Variants in XIRP2 observed in about 807,000 individuals in gnomAD.
The protein encoded by XIRP2 is xin actin binding repeat containing 2.
A neutral mutation model predicts 277.0 loss-of-function variants in XIRP2; 236 were observed. The ratio of observed to expected loss-of-function variants is 0.85; its 90% CI spans 0.77 to 0.95. The LOEUF (loss-of-function observed/expected upper bound fraction) is 0.95. Among genes scored for constraint, XIRP2 ranks in the 40% least tolerant of loss-of-function variants. XIRP2 has a pLI of 0.00. For missense variants in XIRP2, 4,640 were observed against 4,157.5 expected (o/e 1.12, Z -3.19); for synonymous variants, 1,490 against 1,416.5 (o/e 1.05, Z -1.17).
At chr2:166,974,776 T>G (rs1437844835) in intron 2 of XIRP2, among the ~76,000 whole-genome samples, 3 of 152,080 alleles carry the variant, frequency 2.0e-5, no homozygotes, top group African/African-American at 7.2e-5. Context: ...TAAAATATAC[T>G]TAAATCCAAG....
At chr2:167,034,203 G>T (rs1286355017) in intron 2 of XIRP2, among the ~76,000 whole-genome samples, 1 of 151,972 alleles carries the variant, frequency 6.6e-6, no homozygotes, top group Non-Finnish European at 1.5e-5. Flanking sequence ...GCTTGTTTTT[G>T]CAATCAGTGT....
At chr2:167,222,425 G>A (rs896030396) in intron 5 of XIRP2, among the ~76,000 whole-genome samples, 5 of 152,170 alleles carry the variant, frequency 3.3e-5, no homozygotes, top group African/African-American at 1.2e-4. Context: ...TGCCTTTGCA[G>A]TTAATACTAG....
At chr2:167,007,812 TA>T (rs1030709424) in intron 2 of XIRP2, among the ~76,000 whole-genome samples, 20 of 151,456 alleles carry the variant, frequency 1.3e-4, no homozygotes, top group African/African-American at 4.6e-4. Context: ...AAAATTATTA[TA>T]CAAAAAAGAC....
chr2:167,039,860 A>C (rs562282223), intron 2 of XIRP2, among the ~76,000 whole-genome samples: 1 of 152,226 alleles, frequency 6.6e-6, no homozygotes, highest in Non-Finnish European at 1.5e-5. Flanking sequence ...TATAACTTTT[A>C]ACCAAATAAT....
chr2:167,168,653 C>T (rs958128287), intron 3 of XIRP2, among the ~76,000 whole-genome samples: 6 of 152,146 alleles, frequency 3.9e-5, no homozygotes, highest in Non-Finnish European at 8.8e-5. Flanking sequence ...CTCGCTCTGT[C>T]GCCCAGGCTG....
Position 167,247,041 on chromosome 2 carries a change from A to G in XIRP2, c.5649A>G (p.Lys1883=). Residue 1883 remains lysine (K), a synonymous_variant, in exon 9 of 11, where the codon AAA becomes AAG. Coordinates refer to ENST00000409195, the MANE Select transcript of XIRP2 (RefSeq NM_152381.6). ...KSLKESSHRW[K]ESKQPDAIPG... ...TTAAAGAATCAAGCCATCGATGGAA[A>G]GAATCTAAACAGCCTGATGCCATCC... 6.2e-7 allele frequency: 1 copy of G among 1,613,464 alleles called. No individual in the cohort carries two copies. The highest frequency in any genetic ancestry group is 8.5e-7 in the Non-Finnish European group (1 of 1,179,716).
chr2:167,052,149 A>G (rs1041544759), intron 2 of XIRP2, among the ~76,000 whole-genome samples: 1 of 152,108 alleles, frequency 6.6e-6, no homozygotes, highest in African/African-American at 2.4e-5. Flanking sequence ...ATTACAGTAC[A>G]ATGTAAGTTA....
rs568067678 is a variant in XIRP2, at chr2:167,114,939, T to C, written c.409-20970T>C. On this transcript the variant is annotated intron_variant, in intron 2 of 10. Coordinates refer to ENST00000409195, the MANE Select transcript of XIRP2 (RefSeq NM_152381.6). Reference sequence around the variant, plus strand: ...TGTGTCTTTATAGCAGCATGATTTATAGTCCTTTGGGTATATACCCAGTAA... The same window carrying C: ...TGTGTCTTTATAGCAGCATGATTTACAGTCCTTTGGGTATATACCCAGTAA... 1.3e-4 allele frequency among the ~76,000 whole-genome samples: 20 copies of C among 152,302 alleles called. No homozygotes were observed. The South Asian group carries it at 3.9e-3, about 30-fold the overall frequency.
At chr2:167,004,853 G>C (rs1687465806) in intron 2 of XIRP2, among the ~76,000 whole-genome samples, 1 of 151,812 alleles carries the variant, frequency 6.6e-6, no homozygotes, top group South Asian at 2.1e-4. Flanking sequence ...AAACAGTGTA[G>C]ATAGATTCTC....
At chr2:167,194,805 C>A (rs1258372677) in intron 3 of XIRP2, among the ~76,000 whole-genome samples, 1 of 152,118 alleles carries the variant, frequency 6.6e-6, no homozygotes, top group Non-Finnish European at 1.5e-5. Flanking sequence ...TAGTATCTAT[C>A]TCATAGTCTT....
intron 2 of XIRP2, among the ~76,000 whole-genome samples, chr2:166,939,692 A>AAAAC (rs1685637854): frequency 7.5e-6 from 1 of 133,406 alleles, no homozygotes; most frequent in African/African-American, 2.7e-5. Context: ...AAAAAAAAAA[A>AAAAC]AAAAAACAAA....
intron 2 of XIRP2, among the ~76,000 whole-genome samples, chr2:166,929,257 T>C (rs142356896): frequency 6.6e-6 from 1 of 152,204 alleles, no homozygotes; most frequent in East Asian, 1.9e-4. Flanking sequence ...CCAGATATGT[T>C]TTCCACTTGA....
At chr2:167,192,529 GT>G (rs1693379058) in intron 3 of XIRP2, among the ~76,000 whole-genome samples, 1 of 152,144 alleles carries the variant, frequency 6.6e-6, no homozygotes, top group South Asian at 2.1e-4. Flanking sequence ...TTACTCTTTG[GT>G]TTGTGTCTTG....
intron 5 of XIRP2, among the ~76,000 whole-genome samples, chr2:167,225,423 T>A (rs891947093): frequency 1.3e-5 from 2 of 152,186 alleles, no homozygotes; most frequent in African/African-American, 4.8e-5. Context: ...AAAATCTACC[T>A]TGTAACATTT....
In XIRP2 at chr2:167,163,560, A is replaced by C. The variant is rs532593975; in HGVS notation, c.562+27498A>C. ...GTTCTTTACATATCAAAGGCATAAA[A>C]ATCCTTTGTCAGTTTATGCGCTGCA... On this transcript the variant is annotated intron_variant, in intron 3 of 10. Coordinates refer to ENST00000409195, the MANE Select transcript of XIRP2 (RefSeq NM_152381.6). Among the ~76,000 whole-genome samples, 361 of 152,330 alleles carry C rather than the reference A, an allele frequency of 2.4e-3. 1 individual carries two copies. The highest frequency in any genetic ancestry group is 3.5e-3 in the Non-Finnish European group (236 of 68,016).
Position 166,903,870 on chromosome 2 carries a change from C to A in XIRP2, c.388C>A (p.Pro130Thr). 1 of 1,613,254 alleles carries A rather than the reference C, an allele frequency of 6.2e-7. No homozygotes were observed. The highest frequency in any genetic ancestry group is 8.5e-7 in the Non-Finnish European group (1 of 1,179,472). The change falls in exon 2 of 11, where the codon CCA (proline) becomes ACA (threonine). Residue 130 changes from proline (P) to threonine (T), a missense_variant. Pro to Thr is a conservative substitution (Grantham distance 38, BLOSUM62 -1). Transcript: ENST00000409195. ...VFEAPKSGNK[P>T]AEYGGKEVEI... ...TGAGGCTCCTAAGAGTGGAAACAAA[C>A]CAGCTGAGTACGGTGGAAAGGTAAG...
chr2:167,259,573 A>C lies in XIRP2; in HGVS notation c.*1756A>C. On this transcript the variant is annotated 3_prime_UTR_variant, in exon 11 of 11. Coordinates refer to ENST00000409195, the MANE Select transcript of XIRP2 (RefSeq NM_152381.6). Reference sequence around the variant, plus strand: ...TACATCTACTTTTGTTTGAACTGGAATGAAGAGATGAAACACTATGGATAT... The same window carrying C: ...TACATCTACTTTTGTTTGAACTGGACTGAAGAGATGAAACACTATGGATAT... 1 of 484,838 alleles carries C rather than the reference A, an allele frequency of 2.1e-6. No homozygotes were observed. 30.0% of individuals were successfully genotyped at this position (484,838 alleles called of 1,614,324 possible).
At chr2:167,126,073 G>C (rs1053232436) in intron 2 of XIRP2, among the ~76,000 whole-genome samples, 21 of 152,114 alleles carry the variant, frequency 1.4e-4, no homozygotes, top group African/African-American at 4.3e-4. Context: ...TTCTGAGAGG[G>C]AGCCTCCCAA....
intron 3 of XIRP2, among the ~76,000 whole-genome samples, chr2:167,198,262 G>C (rs113027436): frequency 6.6e-6 from 1 of 152,062 alleles, no homozygotes; most frequent in Non-Finnish European, 1.5e-5. Context: ...ATAGGCAAAG[G>C]GTATTTGGGT....
Sources: allele counts gnomAD v4.1 joint callset (sites outside exome capture counted in the v4.1 genomes callset), GRCh38; gene constraint gnomAD v4.1.1; transcripts MANE v1.5; gene names NCBI Gene and HGNC (gene_info 2026-07-23, HGNC 2026-07-21).